SLC12A1: variants seen among roughly 807,000 people sequenced by gnomAD.
SLC12A1 encodes solute carrier family 12 member 1.
SLC12A1 carries 89 observed loss-of-function variants against 130.4 expected under a neutral mutation model. The observed-to-expected ratio is 0.68, with a 90% CI of 0.58 to 0.81. The LOEUF (loss-of-function observed/expected upper bound fraction) is 0.81. SLC12A1 is among the 40% of genes least tolerant of loss of function. The probability of loss-of-function intolerance (pLI) is 0.00; values close to 1 mark genes in which losing one functional copy is unlikely to be tolerated. For synonymous variants in SLC12A1, 499 were observed against 460.0 expected (o/e 1.08, Z -1.09); for missense variants, 1,310 against 1,336.4 (o/e 0.98, Z 0.31).
intron 20 of SLC12A1, among the ~76,000 whole-genome samples, chr15:48,279,243 A>G (rs1597450280): frequency 6.6e-6 from 1 of 152,222 alleles, no homozygotes. Flanking sequence ...GCATTTCATT[A>G]TATTATGCTG....
rs1282294920 is a variant in SLC12A1, at chr15:48,302,834, T to C, written c.3249T>C (p.Pro1083=). ...WLEILTKNLP[P]VLLVRGNHKN... is the part of the protein sequence containing the mutation. The stretch of plus-strand genomic sequence containing the variant: ...AAATCCTCACAAAGAACCTCCCACC[T>C]GTCTTACTAGTTAGAGGAAATCACA... The change falls in exon 27 of 27, where the codon CCT becomes CCC. Residue 1083 remains proline (P), a synonymous_variant. Coordinates refer to ENST00000380993, the MANE Select transcript of SLC12A1 (RefSeq NM_000338.3). The C allele has an allele frequency of 1.9e-6, 3 of 1,612,636 alleles. No homozygotes were observed. Among genetic ancestry groups the C allele is most frequent in the Non-Finnish European group, 2.5e-6 (3 of 1,178,862 alleles).
At chr15:48,260,870 A>C (rs1892133702) in intron 17 of SLC12A1, among the ~76,000 whole-genome samples, 1 of 152,206 alleles carries the variant, frequency 6.6e-6, no homozygotes, top group African/African-American at 2.4e-5. Context: ...GCAATATTCT[A>C]AATGCTTTAT....
chr15:48,231,369 T>C (rs1370234325), intron 7 of SLC12A1, among the ~76,000 whole-genome samples: 1 of 152,128 alleles, frequency 6.6e-6, no homozygotes, highest in Non-Finnish European at 1.5e-5. Context: ...AAAAAGAGAA[T>C]TTGTGAAAAT....
chr15:48,240,078 T>TGC (rs1348293488), intron 9 of SLC12A1, among the ~76,000 whole-genome samples: 1 of 111,982 alleles, frequency 8.9e-6, no homozygotes, highest in African/African-American at 5.2e-5. Context: ...TATCCATATA[T>TGC]ATATATATAT....
In SLC12A1 at chr15:48,208,104, C is replaced by T; in HGVS notation, c.385C>T (p.Pro129Ser). 6.2e-7 allele frequency: 1 copy of T among 1,601,472 alleles called. No individual in the cohort carries two copies. Among genetic ancestry groups the T allele is most frequent in the Non-Finnish European group, 8.5e-7 (1 of 1,172,560 alleles). The change falls in exon 2 of 27, where the codon CCC (proline) becomes TCC (serine). Residue 129 changes from proline to serine, a missense_variant. Physicochemically the swap from Pro to Ser is moderately conservative, Grantham distance 74 (BLOSUM62 -1). Transcript: ENST00000380993. ...CATCAGTGGGCCCAAGGTCAACCGA[C>T]CCAGCCTGCTTGAGATTCACGAGCA... is the stretch of plus-strand genomic sequence containing the variant. ...GSISGPKVNRPSLLEIHEQLA... is the reference protein window; with the variant it reads ...GSISGPKVNRSSLLEIHEQLA...
intron 9 of SLC12A1, among the ~76,000 whole-genome samples, chr15:48,239,505 A>C (rs913756558): frequency 2.2e-5 from 3 of 136,116 alleles, no homozygotes; most frequent in African/African-American, 7.8e-5. Flanking sequence ...ACAGAACAAG[A>C]ACCCATCTCA....
intron 17 of SLC12A1, among the ~76,000 whole-genome samples, chr15:48,265,786 T>C (rs2141084961): frequency 6.6e-6 from 1 of 152,322 alleles, no homozygotes; most frequent in South Asian, 2.1e-4. Context: ...AATATTAAAA[T>C]GGAAGGGACC....
At chr15:48,301,505 G>GGGGGGGT in intron 26 of SLC12A1, 123 bp downstream of exon 26, 2 of 553,184 alleles carry the variant, frequency 3.6e-6, no homozygotes, top group African/African-American at 4.1e-5. Flanking sequence ...TTTTTTTTGG[G>GGGGGGGT]GGGGGGAACA....
rs1555466576 is a variant in SLC12A1, at chr15:48,240,054, T to TATCC, written c.1216-1459_1216-1458insCCAT. On this transcript the variant is annotated intron_variant, in intron 9 of 26. Transcript: ENST00000380993. Reference sequence around the variant, plus strand: ...CCATATATATATATATATATCCATATATATATATATATATATCCATATATA... The same window carrying TATCC: ...CCATATATATATATATATATCCATATATCCATATATATATATATATCCATATATA... Among the ~76,000 whole-genome samples the TATCC allele has an allele frequency of 1.9e-4, 15 of 80,806 alleles. 2 individuals are homozygous for TATCC. Among genetic ancestry groups the TATCC allele is most frequent in the African/African-American group, 6.9e-4 (12 of 17,350 alleles). The allele number at this position is 80,806 out of a possible 152,430, so 53.0% of individuals were successfully genotyped here. A position where few individuals can be genotyped will look rare whatever the true frequency, so the allele number is the denominator to read the frequency against.
At chr15:48,239,746 G>T (rs1380005316) in intron 9 of SLC12A1, among the ~76,000 whole-genome samples, 2 of 151,354 alleles carry the variant, frequency 1.3e-5, no homozygotes, top group Non-Finnish European at 2.9e-5. Context: ...CGCCTCCCAG[G>T]TTCAAGTGAT....
chr15:48,298,010 C>T (rs2042195717), intron 24 of SLC12A1, among the ~76,000 whole-genome samples: 1 of 152,150 alleles, frequency 6.6e-6, no homozygotes, highest in Admixed American at 6.5e-5. Context: ...GCAATAGAAG[C>T]CTAATGCATT....
rs931994837 is a variant in SLC12A1 at position 48,269,229 on chromosome 15, T to A, written c.2296-429T>A. 2.0e-5 allele frequency among the ~76,000 whole-genome samples: 3 copies of A among 152,210 alleles called. No homozygotes were observed. The East Asian group carries it at 5.8e-4, about 29-fold the overall frequency. ...TCAATAAATAACATAAGTAGAGATT[T>A]TAGTGATCCTTGTACATAAGAATTT... On this transcript the variant is annotated intron_variant, in intron 18 of 26. Coordinates refer to ENST00000380993, the MANE Select transcript of SLC12A1 (RefSeq NM_000338.3).
At chr15:48,283,055 G>A (rs2042023943) in intron 20 of SLC12A1, among the ~76,000 whole-genome samples, 1 of 152,168 alleles carries the variant, frequency 6.6e-6, no homozygotes, top group Admixed American at 6.5e-5. Context: ...GGCACCCAAA[G>A]AGTGTGCAAT....
At chr15:48,212,520 T>C (rs2041065350) in intron 2 of SLC12A1, among the ~76,000 whole-genome samples, 1 of 152,216 alleles carries the variant, frequency 6.6e-6, no homozygotes, top group Non-Finnish European at 1.5e-5. Context: ...AAGATTAATC[T>C]AGTGCCTTTA....
intron 25 of SLC12A1, among the ~76,000 whole-genome samples, chr15:48,300,413 C>A (rs373636308): frequency 7.9e-5 from 12 of 151,826 alleles, no homozygotes; most frequent in African/African-American, 2.7e-4. Context: ...TTTACTGGAA[C>A]ATGTGGGATT....
rs563836198 is a variant in SLC12A1 at position 48,276,388 on chromosome 15, G to A, written c.2485+1735G>A. ...TTGAAGTGCTAACCCCCAGGACCTCGGAATGTGACTGTATTTGGAGACAGG... is the reference window on the plus strand; with the variant it reads ...TTGAAGTGCTAACCCCCAGGACCTCAGAATGTGACTGTATTTGGAGACAGG... On this transcript the variant is annotated intron_variant, in intron 20 of 26. Transcript: ENST00000380993. Among the ~76,000 whole-genome samples, 19 of 152,182 alleles carry A rather than the reference G, an allele frequency of 1.2e-4. No homozygotes were observed. In the East Asian group the frequency reaches 1.7e-3, roughly 14 times the overall value.
At chr15:48,299,102 T>C in intron 24 of SLC12A1, 38 bp from the exon 25 acceptor site, 1 of 1,572,348 alleles carries the variant, frequency 6.4e-7, no homozygotes, top group Non-Finnish European at 8.6e-7. Context: ...ATGAGTTAGT[T>C]TCCCACTGTG....
chr15:48,210,292 T>C (rs1429986660), intron 2 of SLC12A1, among the ~76,000 whole-genome samples: 1 of 152,210 alleles, frequency 6.6e-6, no homozygotes, highest in Admixed American at 6.5e-5. Context: ...CACAATACTC[T>C]ACCACGTCAC....
chr15:48,279,253 G>A (rs551047650), intron 20 of SLC12A1, among the ~76,000 whole-genome samples: 1 of 152,264 alleles, frequency 6.6e-6, no homozygotes, highest in South Asian at 2.1e-4. Flanking sequence ...ATATTATGCT[G>A]TAATTCAGGG....
Sources: gnomAD v4.1 joint callset for allele counts (sites outside exome capture counted in the v4.1 genomes callset) on GRCh38, gnomAD v4.1.1 for gene constraint, MANE v1.5 for transcripts, NCBI Gene and HGNC (gene_info 2026-07-23, HGNC 2026-07-21) for gene names.